The following NVL variants were observed in gnomAD, a reference collection of about 807,000 sequenced individuals.
NVL encodes the protein nuclear valosin-containing protein-like.
In NVL, 84 loss-of-function variants were observed where a neutral mutation model predicts 110.2. That is an observed-to-expected ratio of 0.76 (90% CI 0.64 to 0.91). NVL has a LOEUF of 0.91. Ranked by LOEUF, NVL falls within the 40% of genes least tolerant of loss-of-function variation. The probability of loss-of-function intolerance (pLI) is 0.00; values close to 1 mark genes in which losing one functional copy is unlikely to be tolerated. For missense variants in NVL, 882 were observed against 1,035.9 expected (o/e 0.85, Z 2.04); for synonymous variants, 354 against 361.1 (o/e 0.98, Z 0.22).
intron 9 of NVL, among the ~76,000 whole-genome samples, chr1:224,302,530 C>T (rs1050793321): frequency 6.6e-6 from 1 of 152,110 alleles, no homozygotes; most frequent in Non-Finnish European, 1.5e-5. Flanking sequence ...CGAAGTTACT[C>T]GGATATTTTA....
At chr1:224,246,518 T>G (rs1661837371) in intron 19 of NVL, among the ~76,000 whole-genome samples, 1 of 152,222 alleles carries the variant, frequency 6.6e-6, no homozygotes, top group Non-Finnish European at 1.5e-5. Flanking sequence ...GAATACCACA[T>G]GCCTCATGTC....
At chr1:224,325,292 C>T (rs1671036537) in intron 2 of NVL, among the ~76,000 whole-genome samples, 1 of 151,318 alleles carries the variant, frequency 6.6e-6, no homozygotes, top group South Asian at 2.1e-4. Flanking sequence ...AGGAAGCTGG[C>T]TGGGCATGGT....
At chr1:224,287,696 C>G (rs1050026458) in intron 14 of NVL, 79 bp downstream of exon 14, 1 of 1,197,094 alleles carries the variant, frequency 8.4e-7, no homozygotes, top group African/African-American at 1.5e-5. Context: ...GCCACAGAAC[C>G]TAGTACACAT....
Position 224,232,579 on chromosome 1 carries a change from C to T in NVL, c.2455+622G>A, listed in dbSNP as rs566601917. Among the ~76,000 whole-genome samples the T allele has an allele frequency of 3.0e-4, 46 of 152,140 alleles. 2 individuals carry two copies. The South Asian group carries it at 8.1e-3, about 27-fold the overall frequency. On this transcript the variant is annotated intron_variant, in intron 21 of 22. Transcript: ENST00000281701. ...CTTGGTTTGTTGCGCAGGCTGCTCTCAAACTCCTGGGCTCAAGCAATCCTC... is the reference window on the plus strand; with the variant it reads ...CTTGGTTTGTTGCGCAGGCTGCTCTTAAACTCCTGGGCTCAAGCAATCCTC...
chr1:224,324,573 T>C (rs1670957903), intron 2 of NVL, among the ~76,000 whole-genome samples: 2 of 152,138 alleles, frequency 1.3e-5, no homozygotes, highest in African/African-American at 4.8e-5. Context: ...GGACTACAGG[T>C]TCAGGCCACC....
intron 4 of NVL, among the ~76,000 whole-genome samples, chr1:224,314,717 A>T (rs1669895480): frequency 6.6e-6 from 1 of 152,256 alleles, no homozygotes; most frequent in Non-Finnish European, 1.5e-5. Flanking sequence ...TAATATCATG[A>T]GGCCGGTGTA....
intron 7 of NVL, 97 bp from the exon 8 acceptor site, chr1:224,304,909 A>G: frequency 6.7e-7 from 1 of 1,493,422 alleles, no homozygotes; most frequent in Non-Finnish European, 9.3e-7. Context: ...TCCATTAAAT[A>G]TAGAAATATT....
At chr1:224,247,230 G>C (rs1661949562) in intron 19 of NVL, among the ~76,000 whole-genome samples, 1 of 151,972 alleles carries the variant, frequency 6.6e-6, no homozygotes, top group South Asian at 2.1e-4. Flanking sequence ...TTTGAGACAG[G>C]GTCTCAGCTC....
intron 16 of NVL, 82 bp from the exon 17 acceptor site, chr1:224,275,540 G>A: frequency 3.2e-6 from 5 of 1,543,012 alleles, no homozygotes; most frequent in Non-Finnish European, 4.5e-6. Flanking sequence ...AGTTTTATGT[G>A]ACATAAACTA....
In NVL at chr1:224,270,602, T is replaced by C. The variant is rs557779032; in HGVS notation, c.2083-2469A>G. On this transcript the variant is annotated intron_variant, in intron 17 of 22. Transcript: ENST00000281701. ...CAAACAAAACCTATAATATTCTATA[T>C]AATAAAATTAAATATAAGTCATAAG... is the stretch of plus-strand genomic sequence containing the variant. 2.6e-5 allele frequency among the ~76,000 whole-genome samples: 4 copies of C among 152,088 alleles called. No homozygotes were observed. The South Asian group carries it at 8.3e-4, about 32-fold the overall frequency.
Position 224,227,689 on chromosome 1 carries a change from C to A in NVL, c.2527-19G>T. 1 of 1,606,630 alleles carries A rather than the reference C, an allele frequency of 6.2e-7. No homozygotes were observed. The highest frequency in any genetic ancestry group is 8.5e-7 in the Non-Finnish European group (1 of 1,175,080). On this transcript the variant is annotated intron_variant, in intron 22 of 22. Transcript: ENST00000281701. ...TTTGATCCTGAAAGGAGGGAGAACA[C>A]AGAATACAGAGACCGTCACTGCTTG... is the stretch of plus-strand genomic sequence containing the variant.
At position 224,228,998 on chromosome 1, in the gene NVL, A is replaced by G. The variant is rs538308320; in HGVS notation, c.2527-1328T>C. The stretch of plus-strand genomic sequence containing the variant: ...GGTTGTATCTACATTTTCAGCAACA[A>G]TGTATAAGAGTTCCAGGCCAGGCGT... On this transcript the variant is annotated intron_variant, in intron 22 of 22. Transcript: ENST00000281701. 1.8e-4 allele frequency among the ~76,000 whole-genome samples: 27 copies of G among 151,508 alleles called. No individual in the cohort carries two copies. In the South Asian group the frequency reaches 5.2e-3, roughly 29 times the overall value.
intron 12 of NVL, among the ~76,000 whole-genome samples, chr1:224,293,092 C>CT (rs1667531106): frequency 7.0e-6 from 1 of 143,320 alleles, no homozygotes; most frequent in African/African-American, 2.6e-5. Context: ...TTTTTTGAGA[C>CT]AGAGTCTTGC....
chr1:224,273,097 C>T (rs1287689298), intron 17 of NVL, among the ~76,000 whole-genome samples: 4 of 150,054 alleles, frequency 2.7e-5, no homozygotes, highest in African/African-American at 9.8e-5. Flanking sequence ...AAAAGAAAAC[C>T]ATATATATCA....
At chr1:224,232,549 G>T (rs1660016754) in intron 21 of NVL, among the ~76,000 whole-genome samples, 1 of 151,956 alleles carries the variant, frequency 6.6e-6, no homozygotes. Context: ...TTATAGAGAT[G>T]GCATCTTGGT....
chr1:224,233,629 T>C (rs779815883), intron 20 of NVL, among the ~76,000 whole-genome samples: 2 of 152,068 alleles, frequency 1.3e-5, no homozygotes, highest in Non-Finnish European at 2.9e-5. Flanking sequence ...CATGGTGGCA[T>C]GCACCTGTAG....
chr1:224,236,631 C>A (rs776027996), intron 19 of NVL, 49 bp from the exon 20 acceptor site: 1 of 1,477,966 alleles, frequency 6.8e-7, no homozygotes, highest in Non-Finnish European at 9.5e-7. Context: ...AAAGACCATG[C>A]CGGGTGCGAT....
In NVL at chr1:224,286,395, G is replaced by A. The variant is rs185896239; in HGVS notation, c.1795-265C>T. ...TAATTTTTGTATTTTTAGTAGAGTC[G>A]GGGTTTCACCATGTTGGCCAGGCTG... On this transcript the variant is annotated intron_variant, in intron 14 of 22. Transcript: ENST00000281701. 1.1e-3 allele frequency among the ~76,000 whole-genome samples: 169 copies of A among 151,960 alleles called. 2 individuals are homozygous for A. In the East Asian group the frequency reaches 0.018, roughly 16 times the overall value.
At chr1:224,272,384 T>C (rs1005020500) in intron 17 of NVL, among the ~76,000 whole-genome samples, 4 of 150,924 alleles carry the variant, frequency 2.7e-5, no homozygotes, top group African/African-American at 9.7e-5. Flanking sequence ...AAAATAAAAA[T>C]AAAATGTTTT....
Sources: allele counts gnomAD v4.1 joint callset (sites outside exome capture counted in the v4.1 genomes callset), GRCh38; gene constraint gnomAD v4.1.1; transcripts MANE v1.5; gene names NCBI Gene and HGNC (gene_info 2026-07-23, HGNC 2026-07-21).